Variants in PHACTR1 observed in about 807,000 individuals in gnomAD.
The protein encoded by PHACTR1 is RPEL repeat containing 1.
Under a neutral mutation model 69.2 loss-of-function variants are expected in PHACTR1, and 16 were observed. That is an observed-to-expected ratio of 0.23 (90% CI 0.16 to 0.35). PHACTR1 has a LOEUF of 0.35. Among genes scored for constraint, PHACTR1 ranks in the 10% least tolerant of loss-of-function variants. The pLI is 1.00. For synonymous variants in PHACTR1, 312 were observed against 284.5 expected, an observed-to-expected ratio of 1.10 and a Z score of -0.97; for missense variants, 510 against 734.7, an observed-to-expected ratio of 0.69 and a Z score of 3.54.
At chr6:12,839,106 G>A (rs1485625811) in intron 4 of PHACTR1, among the ~76,000 whole-genome samples, 2 of 152,132 alleles carry the variant, frequency 1.3e-5, no homozygotes, top group Non-Finnish European at 2.9e-5. Flanking sequence ...GAGAGAATTA[G>A]GTCACATGGC....
chr6:13,007,607 A>G (rs1373815194), intron 4 of PHACTR1, among the ~76,000 whole-genome samples: 1 of 151,242 alleles, frequency 6.6e-6, no homozygotes, highest in South Asian at 2.1e-4. Flanking sequence ...TCTTTCTGTC[A>G]TGTCCACAAC....
At chr6:13,280,848 C>T (rs1487526516) in intron 12 of PHACTR1, 2 of 726,270 alleles carry the variant, frequency 2.8e-6, no homozygotes, top group Non-Finnish European at 4.0e-6. Context: ...ACTTCAGGTT[C>T]CAGATGCCCC....
chr6:12,976,812 G>C (rs1201510235), intron 4 of PHACTR1, among the ~76,000 whole-genome samples: 2 of 152,100 alleles, frequency 1.3e-5, no homozygotes, highest in African/African-American at 2.4e-5. Flanking sequence ...GTGTCACAGT[G>C]CTTGTGTTCA....
chr6:12,950,481 T>C (rs1020239830), intron 4 of PHACTR1, among the ~76,000 whole-genome samples: 3 of 152,214 alleles, frequency 2.0e-5, no homozygotes, highest in African/African-American at 7.2e-5. Flanking sequence ...GAAGACCACA[T>C]AGGATTGGAG....
chr6:12,939,552 A>G (rs1004320918), intron 4 of PHACTR1, among the ~76,000 whole-genome samples: 6 of 152,216 alleles, frequency 3.9e-5, no homozygotes, highest in Non-Finnish European at 8.8e-5. Context: ...AGGCTGACGC[A>G]TAGCTCATAC....
At chr6:13,098,348 C>T (rs1814613188) in intron 5 of PHACTR1, among the ~76,000 whole-genome samples, 3 of 152,134 alleles carry the variant, frequency 2.0e-5, no homozygotes, top group Admixed American at 2.0e-4. Context: ...TTTTCCTTCT[C>T]TCTCCCTTGC....
At chr6:13,004,616 A>G (rs1190697276) in intron 4 of PHACTR1, among the ~76,000 whole-genome samples, 1 of 152,222 alleles carries the variant, frequency 6.6e-6, no homozygotes, top group Non-Finnish European at 1.5e-5. Context: ...ATAGGTATAC[A>G]TGTGCAATGG....
chr6:12,832,858 A>G (rs1004747616), intron 4 of PHACTR1, among the ~76,000 whole-genome samples: 1 of 152,204 alleles, frequency 6.6e-6, no homozygotes, highest in Admixed American at 6.5e-5. Flanking sequence ...GCTAAATGCT[A>G]AAATGCCTTC....
intron 4 of PHACTR1, chr6:12,958,169 T>C (rs1033149743): frequency 1.1e-5 from 5 of 453,832 alleles, no homozygotes; most frequent in African/African-American, 1.1e-4. Flanking sequence ...TAGATTTGGT[T>C]TTGAAATCCT....
chr6:13,088,550 T>G (rs1213236359), intron 5 of PHACTR1, among the ~76,000 whole-genome samples: 4 of 152,252 alleles, frequency 2.6e-5, no homozygotes, highest in Non-Finnish European at 5.9e-5. Flanking sequence ...TTCAGGCATT[T>G]TCTTTTGGCC....
At chr6:12,975,021 T>C (rs182592676) in intron 4 of PHACTR1, among the ~76,000 whole-genome samples, 143 of 152,314 alleles carry the variant, frequency 9.4e-4, no homozygotes, top group Non-Finnish European at 1.8e-3. Flanking sequence ...AAAAGCCCTC[T>C]GTACAATTGT....
chr6:12,769,542 T>C (rs1433198675), intron 4 of PHACTR1, among the ~76,000 whole-genome samples: 1 of 152,210 alleles, frequency 6.6e-6, no homozygotes, highest in Non-Finnish European at 1.5e-5. Flanking sequence ...TTACTTCTTC[T>C]GGGATAAACT....
At chr6:12,997,041 T>C (rs1797498572) in intron 4 of PHACTR1, among the ~76,000 whole-genome samples, 1 of 151,948 alleles carries the variant, frequency 6.6e-6, no homozygotes, top group Admixed American at 6.6e-5. Context: ...GGCGCATGCC[T>C]GTAATCCCAG....
chr6:13,168,197 T>G (rs577406116), intron 6 of PHACTR1, among the ~76,000 whole-genome samples: 1 of 152,342 alleles, frequency 6.6e-6, no homozygotes, highest in East Asian at 1.9e-4. Context: ...CAACCTATAA[T>G]CATTTGTGTA....
At position 13,206,048 on chromosome 6, in the gene PHACTR1, A is replaced by G. The variant is rs1365954525; in HGVS notation, c.898A>G (p.Thr300Ala). 5 of 1,613,760 alleles carry G rather than the reference A, an allele frequency of 3.1e-6. No individual in the cohort carries two copies. Among genetic ancestry groups the G allele is most frequent in the Non-Finnish European group, 4.2e-6 (5 of 1,179,854 alleles). Residue 300 changes from threonine (T) to alanine (A), a missense_variant, in exon 8 of 15, where the codon ACC becomes GCC. By Grantham distance (58) the Thr-to-Ala change is moderately conservative. Coordinates refer to ENST00000332995, the MANE Select transcript of PHACTR1 (RefSeq NM_030948.6). ...CCACGGCCAGCACCTCCCCTCCACC[A>G]CCGGCTCCCTCCCCATGCACCCCTC... ...GSHGQHLPST[T>A]GSLPMHPSGC...
At chr6:12,945,932 CAGCCTGGGTAACAG>C (rs1790619568) in intron 4 of PHACTR1, among the ~76,000 whole-genome samples, 1 of 151,356 alleles carries the variant, frequency 6.6e-6, no homozygotes, top group Non-Finnish European at 1.5e-5. Flanking sequence ...CACCGCACTC[CAGCCTGGGTAACAG>C]AGCAAGACTC....
chr6:13,284,236 C>G (rs996930356), intron 13 of PHACTR1, among the ~76,000 whole-genome samples: 1 of 151,814 alleles, frequency 6.6e-6, no homozygotes, highest in Non-Finnish European at 1.5e-5. Context: ...GTAGTCTGTG[C>G]GCCAGGCACA....
At chr6:12,934,167 C>T (rs962061521) in intron 4 of PHACTR1, among the ~76,000 whole-genome samples, 2 of 152,138 alleles carry the variant, frequency 1.3e-5, no homozygotes, top group Admixed American at 1.3e-4. Flanking sequence ...AAATGCATCA[C>T]TCCAATCTCT....
At chr6:13,048,965 G>A (rs1012717089) in intron 4 of PHACTR1, among the ~76,000 whole-genome samples, 1 of 152,214 alleles carries the variant, frequency 6.6e-6, no homozygotes, top group African/African-American at 2.4e-5. Context: ...ATGTAATGGG[G>A]TGATTAAAAT....
Sources: gnomAD v4.1 joint callset for allele counts (sites outside exome capture counted in the v4.1 genomes callset) on GRCh38, gnomAD v4.1.1 for gene constraint, MANE v1.5 for transcripts, NCBI Gene and HGNC (gene_info 2026-07-23, HGNC 2026-07-21) for gene names.